The following VRK1 variants were observed in gnomAD, a reference collection of about 807,000 sequenced individuals.
VRK1 encodes serine/threonine-protein kinase VRK1.
In VRK1, 33 loss-of-function variants were observed where a neutral mutation model predicts 57.1. The observed-to-expected ratio is 0.58, with a 90% CI of 0.44 to 0.77. The LOEUF (loss-of-function observed/expected upper bound fraction) is 0.77, where lower values mean the gene tolerates loss of function less well. Ranked by LOEUF, VRK1 falls within the 30% of genes least tolerant of loss-of-function variation. The pLI, the probability that VRK1 is intolerant of heterozygous loss-of-function variation, is 0.00. For missense variants in VRK1, 413 were observed against 477.3 expected (o/e 0.87, Z 1.25); for synonymous variants, 137 against 147.8 (o/e 0.93, Z 0.53).
At chr14:96,845,736 A>G (rs756566149) in intron 3 of VRK1, among the ~76,000 whole-genome samples, 2 of 152,186 alleles carry the variant, frequency 1.3e-5, no homozygotes, top group African/African-American at 2.4e-5. Flanking sequence ...TCTGAGAAAT[A>G]TCTTATAGCC....
chr14:96,808,606 A>G lies in VRK1; in HGVS notation c.-6+11159A>G, dbSNP rs76711303. The stretch of plus-strand genomic sequence containing the variant: ...AAACACGATTCTGACTTACATAACT[A>G]TAGTTTTACCTGGTTTTGAACTCAT... On this transcript the variant is annotated intron_variant, in intron 1 of 12. Coordinates refer to ENST00000216639, the MANE Select transcript of VRK1 (RefSeq NM_003384.3). Among the ~76,000 whole-genome samples, 95 of 150,958 alleles carry G rather than the reference A, an allele frequency of 6.3e-4. 1 individual carries two copies. The highest frequency in any genetic ancestry group is 2.1e-3 in the African/African-American group (85 of 41,032).
chr14:96,878,300 AT>A (rs1889119876), intron 12 of VRK1, among the ~76,000 whole-genome samples: 2 of 152,160 alleles, frequency 1.3e-5, no homozygotes, highest in Admixed American at 1.3e-4. Context: ...ACATTATTAC[AT>A]TTGTTTTTTT....
intron 1 of VRK1, among the ~76,000 whole-genome samples, chr14:96,829,424 G>A (rs1162686879): frequency 6.6e-6 from 1 of 152,020 alleles, no homozygotes; most frequent in Non-Finnish European, 1.5e-5. Context: ...TTGTTTCTAA[G>A]CTTTTTAGTG....
chr14:96,846,278 T>G (rs938071575), intron 4 of VRK1, 114 bp downstream of exon 4: 1 of 1,067,804 alleles, frequency 9.4e-7, no homozygotes, highest in South Asian at 1.4e-5. Context: ...TTTTTTGCTT[T>G]ATAAATTCCA....
chr14:96,877,452 G>GCTA lies in VRK1; in HGVS notation c.1159+1335_1159+1337dup. The GCTA allele has an allele frequency of 2.4e-6, 3 of 1,270,414 alleles. No homozygotes were observed. The South Asian group carries it at 3.7e-5, about 16-fold the overall frequency. 78.7% of individuals were successfully genotyped at this position (1,270,414 alleles called of 1,614,324 possible). Reference sequence around the variant, plus strand: ...TTTTTCCCGCTGCTGTCTTCCTTTCGCTACTGTCTTTTTTCCTCCTTTCCC... The same window carrying GCTA: ...TTTTTCCCGCTGCTGTCTTCCTTTCGCTACTACTGTCTTTTTTCCTCCTTTCCC... On this transcript the variant is annotated intron_variant, in intron 12 of 12. Coordinates refer to ENST00000216639, the MANE Select transcript of VRK1 (RefSeq NM_003384.3).
chr14:96,852,168 GCT>G (rs1313706876), intron 5 of VRK1, among the ~76,000 whole-genome samples: 1 of 152,180 alleles, frequency 6.6e-6, no homozygotes, highest in African/African-American at 2.4e-5. Context: ...GTGAGTCCCT[GCT>G]CTCTCATTTT....
At chr14:96,834,008 A>G (rs1034612467) in intron 2 of VRK1, among the ~76,000 whole-genome samples, 2 of 152,150 alleles carry the variant, frequency 1.3e-5, no homozygotes, top group Non-Finnish European at 1.5e-5. Context: ...CAAATCTTTT[A>G]CAAGTGTGAG....
chr14:96,850,484 G>A (rs1222690381), intron 5 of VRK1, among the ~76,000 whole-genome samples: 1 of 152,174 alleles, frequency 6.6e-6, no homozygotes, highest in East Asian at 1.9e-4. Context: ...GAAGAATGTG[G>A]TAATGGTTTC....
chr14:96,817,710 T>C (rs1886448789), intron 1 of VRK1, among the ~76,000 whole-genome samples: 1 of 152,246 alleles, frequency 6.6e-6, no homozygotes, highest in Non-Finnish European at 1.5e-5. Flanking sequence ...GTTTGCTCAC[T>C]AATTTTGCTC....
Position 96,852,975 on chromosome 14 carries a change from T to G in VRK1, c.483+36T>G, listed in dbSNP as rs984810161. ...TATGTTCTTCTTGTTTTTAAAAAAT[T>G]GTTTTGAGTACAGTAAAGGCTAGTT... is the stretch of plus-strand genomic sequence containing the variant. On this transcript the variant is annotated intron_variant, in intron 6 of 12. Transcript: ENST00000216639. 2.5e-6 allele frequency: 4 copies of G among 1,609,704 alleles called. No homozygotes were observed. The African/African-American group carries it at 5.3e-5, about 22-fold the overall frequency.
chr14:96,880,239 A>G (rs1889204534), intron 12 of VRK1, among the ~76,000 whole-genome samples: 1 of 152,242 alleles, frequency 6.6e-6, no homozygotes, highest in Admixed American at 6.5e-5. Context: ...GAAAACCTTT[A>G]GATACACATG....
At chr14:96,864,910 G>A (rs571824593) in intron 11 of VRK1, among the ~76,000 whole-genome samples, 2 of 141,568 alleles carry the variant, frequency 1.4e-5, no homozygotes, top group Admixed American at 7.2e-5. Flanking sequence ...ATTTCAAATC[G>A]TTTGCCTATT....
intron 1 of VRK1, among the ~76,000 whole-genome samples, chr14:96,820,655 C>G (rs1886565401): frequency 6.6e-6 from 1 of 152,078 alleles, no homozygotes; most frequent in Admixed American, 6.5e-5. Context: ...AACAATAAGT[C>G]ATTAGCCAAA....
rs1282569027 is a variant in VRK1 at position 96,833,566 on chromosome 14, T to C, written c.95T>C (p.Met32Thr). The change falls in exon 2 of 13, where the codon ATG becomes ACG. Residue 32 changes from methionine to threonine, a missense_variant. By Grantham distance (81) the Met-to-Thr change is moderately conservative (BLOSUM62 -1). This residue lies in a region of VRK1 where 116 missense variants were observed against 113.6 expected (regional missense o/e 1.02). Coordinates refer to ENST00000216639, the MANE Select transcript of VRK1 (RefSeq NM_003384.3). ...QFAVGEIITD[M>T]AKKEWKVGLP... ...GCAGTTGGAGAGATAATAACTGACA[T>C]GGCAAAAAAGGAATGGAAAGTAGGA... The C allele has an allele frequency of 3.7e-6, 6 of 1,613,622 alleles. No homozygotes were observed. In the African/African-American group the frequency reaches 6.7e-5, roughly 18 times the overall value.
chr14:96,805,497 A>G (rs1051450382), intron 1 of VRK1, among the ~76,000 whole-genome samples: 3 of 152,220 alleles, frequency 2.0e-5, no homozygotes, highest in Non-Finnish European at 4.4e-5. Context: ...TTCTTTCTCC[A>G]TGCAAATTAT....
At chr14:96,855,179 C>A (rs753943962) in intron 7 of VRK1, 45 bp from the exon 8 acceptor site, 4 of 1,613,332 alleles carry the variant, frequency 2.5e-6, no homozygotes, top group Middle Eastern at 3.3e-4. Context: ...GTTATATGTG[C>A]AGTGATTTTG....
At chr14:96,837,947 T>G in intron 3 of VRK1, 130 bp downstream of exon 3, 1 of 509,490 alleles carries the variant, frequency 2.0e-6, no homozygotes, top group Non-Finnish European at 3.2e-6. Flanking sequence ...TAAAAAATAT[T>G]TAATAAGACA....
chr14:96,856,837 G>T (rs185132631), intron 10 of VRK1, among the ~76,000 whole-genome samples: 9 of 152,232 alleles, frequency 5.9e-5, no homozygotes, highest in Admixed American at 5.9e-4. Flanking sequence ...GCGTGGTGAC[G>T]CACGCCTGTG....
chr14:96,801,008 C>G (rs1885638843), intron 1 of VRK1, among the ~76,000 whole-genome samples: 1 of 152,136 alleles, frequency 6.6e-6, no homozygotes, highest in Admixed American at 6.5e-5. Flanking sequence ...GGGGACTAAA[C>G]ATGAGAACTG....
Sources: allele counts gnomAD v4.1 joint callset (sites outside exome capture counted in the v4.1 genomes callset), GRCh38; gene constraint gnomAD v4.1.1; regional missense constraint gnomAD v4.1.1; transcripts MANE v1.5; gene names NCBI Gene and HGNC (gene_info 2026-07-23, HGNC 2026-07-21).